The following ANO4 variants were observed in gnomAD, a reference collection of about 807,000 sequenced individuals.
The protein encoded by ANO4 is anoctamin 4.
ANO4 carries 69 observed loss-of-function variants against 141.9 expected under a neutral mutation model. That is an observed-to-expected ratio of 0.49 (90% confidence interval 0.40 to 0.59). The LOEUF (loss-of-function observed/expected upper bound fraction) is 0.59, where lower values mean the gene tolerates loss of function less well. Among genes scored for constraint, ANO4 ranks in the 20% least tolerant of loss-of-function variants. The pLI is 0.00. For synonymous variants in ANO4, 350 were observed against 394.3 expected (o/e 0.89, Z 1.33); for missense variants, 894 against 1,162.2 (o/e 0.77, Z 3.36).
chr12:101,060,394 G>T (rs1169833216), intron 14 of ANO4, among the ~76,000 whole-genome samples: 1 of 152,186 alleles, frequency 6.6e-6, no homozygotes, highest in Non-Finnish European at 1.5e-5. Flanking sequence ...TGTCTATTAG[G>T]TTCGCTTGGT....
chr12:100,766,680 G>C (rs899987343), intron 3 of ANO4, among the ~76,000 whole-genome samples: 2 of 152,136 alleles, frequency 1.3e-5, no homozygotes, highest in Admixed American at 1.3e-4. Flanking sequence ...CCTGAAGAAT[G>C]TTCCATCTGC....
intron 8 of ANO4, among the ~76,000 whole-genome samples, chr12:101,001,628 C>T (rs1249449570): frequency 6.6e-6 from 1 of 152,094 alleles, no homozygotes; most frequent in East Asian, 1.9e-4. Context: ...CACTAGACAC[C>T]GGGCTACCTG....
At chr12:101,040,894 G>A (rs549693285) in intron 11 of ANO4, among the ~76,000 whole-genome samples, 60 of 152,152 alleles carry the variant, frequency 3.9e-4, no homozygotes, top group Admixed American at 8.5e-4. Flanking sequence ...GAGAATGATG[G>A]TTTCCAGCTT....
chr12:100,902,381 T>C (rs1164629046), intron 2 of ANO4, among the ~76,000 whole-genome samples: 2 of 152,206 alleles, frequency 1.3e-5, no homozygotes, highest in Non-Finnish European at 1.5e-5. Context: ...AAAAACATCT[T>C]ATGTGCTTAT....
intron 27 of ANO4, among the ~76,000 whole-genome samples, chr12:101,127,481 G>A (rs145523559): frequency 1.3e-5 from 2 of 152,272 alleles, no homozygotes; most frequent in Non-Finnish European, 2.9e-5. Context: ...AAGCCTCAGC[G>A]GCCAGAGACC....
chr12:100,834,880 T>G (rs1322787225), intron 1 of ANO4, among the ~76,000 whole-genome samples: 2 of 152,100 alleles, frequency 1.3e-5, no homozygotes, highest in African/African-American at 4.8e-5. Context: ...GCAAAGGGAA[T>G]GGCAAGTGCA....
At position 101,075,744 on chromosome 12, in the gene ANO4, T is replaced by TATATAA. The variant is rs202014328; in HGVS notation, c.1313-3448_1313-3447insTATAAA. Among the ~76,000 whole-genome samples, 5 of 146,684 alleles carry TATATAA rather than the reference T, an allele frequency of 3.4e-5. No individual in the cohort carries two copies. In the South Asian group the frequency reaches 1.1e-3, roughly 31 times the overall value. On this transcript the variant is annotated intron_variant, in intron 14 of 27. Transcript: ENST00000392977. ...ATATATATCTTTATATATATATATATAACAAAAATATGTATAGCATAAACC... is the reference window on the plus strand; with the variant it reads ...ATATATATCTTTATATATATATATATATATAAAACAAAAATATGTATAGCATAAACC...
chr12:101,013,337 C>A (rs1480263004), intron 8 of ANO4, among the ~76,000 whole-genome samples: 1 of 152,146 alleles, frequency 6.6e-6, no homozygotes, highest in Non-Finnish European at 1.5e-5. Context: ...CTAACCCTAT[C>A]CTTGGGCAAC....
intron 1 of ANO4, among the ~76,000 whole-genome samples, chr12:100,893,776 G>A (rs957326338): frequency 6.6e-6 from 1 of 152,068 alleles, no homozygotes; most frequent in African/African-American, 2.4e-5. Flanking sequence ...CTGCCACTGT[G>A]GTTTCCTGAA....
intron 25 of ANO4, among the ~76,000 whole-genome samples, chr12:101,120,109 C>G (rs12230262): frequency 0.14 from 21,406 of 152,212 alleles, 1,544 homozygotes; most frequent in East Asian, 0.19. Flanking sequence ...TGCTGCCTCT[C>G]TGCTGTCTCT....
At chr12:100,938,890 TG>T (rs770840761) in intron 3 of ANO4, among the ~76,000 whole-genome samples, 5 of 152,202 alleles carry the variant, frequency 3.3e-5, no homozygotes, top group Non-Finnish European at 5.9e-5. Flanking sequence ...GGCACGTTTA[TG>T]GGTTCACTTG....
At chr12:100,808,899 C>T (rs2035227069) in intron 1 of ANO4, among the ~76,000 whole-genome samples, 1 of 152,190 alleles carries the variant, frequency 6.6e-6, no homozygotes, top group Admixed American at 6.5e-5. Flanking sequence ...ATTCAAAGCA[C>T]CAATTGCTGA....
chr12:100,815,947 T>C (rs749512385), intron 1 of ANO4, among the ~76,000 whole-genome samples: 1 of 152,026 alleles, frequency 6.6e-6, no homozygotes, highest in Non-Finnish European at 1.5e-5. Context: ...CAGAAACAGA[T>C]CTTGTAGATT....
chr12:100,832,474 C>T (rs2036681762), intron 1 of ANO4, among the ~76,000 whole-genome samples: 1 of 151,964 alleles, frequency 6.6e-6, no homozygotes, highest in Non-Finnish European at 1.5e-5. Flanking sequence ...AACCCAACAC[C>T]CCAATCCACC....
intron 3 of ANO4, among the ~76,000 whole-genome samples, chr12:100,774,564 A>G (rs961494422): frequency 4.6e-5 from 7 of 152,250 alleles, no homozygotes; most frequent in African/African-American, 1.7e-4. Context: ...GAAAAGACCT[A>G]GAAGGAAATA....
intron 3 of ANO4, among the ~76,000 whole-genome samples, chr12:100,929,267 T>C (rs2041996057): frequency 6.6e-6 from 1 of 152,110 alleles, no homozygotes; most frequent in Non-Finnish European, 1.5e-5. Flanking sequence ...TCCCTTCCGC[T>C]CTACTACTCT....
At chr12:101,061,710 A>C (rs1490591374) in intron 14 of ANO4, among the ~76,000 whole-genome samples, 2 of 151,772 alleles carry the variant, frequency 1.3e-5, no homozygotes, top group African/African-American at 4.8e-5. Context: ...CAAAGTTCTC[A>C]TGCTGTGTTT....
At chr12:100,740,397 G>C (rs1354061795) in intron 3 of ANO4, among the ~76,000 whole-genome samples, 1 of 151,942 alleles carries the variant, frequency 6.6e-6, no homozygotes, top group Non-Finnish European at 1.5e-5. Context: ...GCCTTTAATA[G>C]CTTTGCTATA....
At chr12:100,974,973 G>A in intron 7 of ANO4, 84 bp downstream of exon 7, 2 of 1,493,784 alleles carry the variant, frequency 1.3e-6, no homozygotes, top group African/African-American at 1.4e-5. Context: ...ATAAGCTGGG[G>A]AAGATGAGCC....
Sources: allele counts gnomAD v4.1 joint callset (sites outside exome capture counted in the v4.1 genomes callset), GRCh38; gene constraint gnomAD v4.1.1; transcripts MANE v1.5; gene names NCBI Gene and HGNC (gene_info 2026-07-23, HGNC 2026-07-21).